The following PCDH15 variants were observed in gnomAD, a reference collection of about 807,000 sequenced individuals.
PCDH15 encodes protocadherin-15.
PCDH15 carries 129 observed loss-of-function variants against 178.5 expected under a neutral mutation model. The ratio of observed to expected loss-of-function variants is 0.72; its 90% CI spans 0.63 to 0.84. The LOEUF is 0.84. Among genes scored for constraint, PCDH15 ranks in the 40% least tolerant of loss-of-function variants. PCDH15 has a pLI of 0.00. For synonymous variants in PCDH15, 800 were observed against 732.0 expected (o/e 1.09, Z -1.50); for missense variants, 2,230 against 2,099.9 (o/e 1.06, Z -1.21).
At chr10:55,425,391 T>C (rs1280832252) in intron 2 of PCDH15, among the ~76,000 whole-genome samples, 1 of 152,030 alleles carries the variant, frequency 6.6e-6, no homozygotes, top group Non-Finnish European at 1.5e-5. Context: ...GCAATAATGA[T>C]GCTAGAAAAA....
intron 2 of PCDH15, among the ~76,000 whole-genome samples, chr10:55,107,574 C>A (rs998198901): frequency 1.4e-5 from 2 of 147,454 alleles, no homozygotes; most frequent in Admixed American, 6.9e-5. Flanking sequence ...TCACTGCAAC[C>A]TCTGCCTCCT....
intron 14 of PCDH15, among the ~76,000 whole-genome samples, chr10:54,145,513 T>C (rs766411935): frequency 2.0e-5 from 3 of 152,090 alleles, no homozygotes; most frequent in East Asian, 3.8e-4. Context: ...GAAATACATA[T>C]AGAAATCTAC....
At chr10:54,703,635 A>C (rs2095336353) in intron 1 of PCDH15, among the ~76,000 whole-genome samples, 1 of 152,112 alleles carries the variant, frequency 6.6e-6, no homozygotes, top group Non-Finnish European at 1.5e-5. Context: ...CACAATAGTC[A>C]CAAAAACGTA....
intron 8 of PCDH15, among the ~76,000 whole-genome samples, chr10:54,252,609 C>T (rs182509415): frequency 6.6e-4 from 101 of 152,238 alleles, no homozygotes; most frequent in African/African-American, 2.3e-3. Flanking sequence ...AGAGCCAGAA[C>T]GACCAAGGTC....
rs201885037 is a variant in PCDH15 at position 54,196,664 on chromosome 10, A to AC, written c.1099-776dup. On this transcript the variant is annotated intron_variant, in intron 10 of 37. Coordinates refer to ENST00000644397, the MANE Select transcript of PCDH15 (RefSeq NM_001384140.1). ...TCTCTGCTATGGTCTCTGCTGTTGTACCCCCCAAATTCGTAAGTTGAAATT... is the reference window on the plus strand; with the variant it reads ...TCTCTGCTATGGTCTCTGCTGTTGTACCCCCCCAAATTCGTAAGTTGAAATT... Among the ~76,000 whole-genome samples, 926 of 152,044 alleles carry AC rather than the reference A, an allele frequency of 6.1e-3. 9 individuals carry two copies. Among genetic ancestry groups the AC allele is most frequent in the African/African-American group, 0.021 (851 of 41,472 alleles).
At position 54,040,022 on chromosome 10, in the gene PCDH15, T is replaced by G. The variant is rs546290089; in HGVS notation, c.2221-16825A>C. ...CAACATATATATCCATTGCACTCAT[T>G]TATTAATGAGTTATTTTGTTATTTA... is the stretch of plus-strand genomic sequence containing the variant. On this transcript the variant is annotated intron_variant, in intron 18 of 37. Coordinates refer to ENST00000644397, the MANE Select transcript of PCDH15 (RefSeq NM_001384140.1). Among the ~76,000 whole-genome samples, 17 of 152,170 alleles carry G rather than the reference T, an allele frequency of 1.1e-4. No homozygotes were observed. In the South Asian group the frequency reaches 2.3e-3, roughly 20 times the overall value.
At chr10:54,436,077 AGGAAGGAGGGAAGGAG>A (rs1277960849) in intron 3 of PCDH15, among the ~76,000 whole-genome samples, 68 of 144,310 alleles carry the variant, frequency 4.7e-4, no homozygotes, top group South Asian at 8.6e-4. Flanking sequence ...GAAAGAAGGA[AGGAAGGAGGGAAGGAG>A]GGAAGGAGGG....
intron 1 of PCDH15, among the ~76,000 whole-genome samples, chr10:54,747,454 C>A (rs1591418567): frequency 6.6e-6 from 1 of 152,262 alleles, no homozygotes; most frequent in East Asian, 1.9e-4. Flanking sequence ...CCTTAAATGT[C>A]TCTATTGACA....
chr10:54,689,312 A>G (rs2095072138), intron 1 of PCDH15, among the ~76,000 whole-genome samples: 1 of 152,174 alleles, frequency 6.6e-6, no homozygotes, highest in African/African-American at 2.4e-5. Flanking sequence ...AACAATTAAC[A>G]CAAAGCACTC....
chr10:55,258,383 G>A (rs960250162), intron 1 of PCDH15, among the ~76,000 whole-genome samples: 6 of 152,128 alleles, frequency 3.9e-5, no homozygotes, highest in Non-Finnish European at 8.8e-5. Context: ...AGACACCAGA[G>A]GTGGCCAGCA....
intron 2 of PCDH15, among the ~76,000 whole-genome samples, chr10:55,058,634 GT>G (rs1222892128): frequency 2.0e-5 from 3 of 152,034 alleles, no homozygotes; most frequent in Non-Finnish European, 4.4e-5. Flanking sequence ...CATAATGTAT[GT>G]TTTTTTATCT....
Position 53,822,090 on chromosome 10 carries a change from G to C in PCDH15, c.4368-1860C>G, listed in dbSNP as rs1338012767. On this transcript the variant is annotated intron_variant, in intron 32 of 37. Coordinates refer to ENST00000644397, the MANE Select transcript of PCDH15 (RefSeq NM_001384140.1). ...TTTAACGTGTCTGAGGATGCCTTTTGGTTCTCTCTGAGGGTCTGTTTTACA... is the reference window on the plus strand; with the variant it reads ...TTTAACGTGTCTGAGGATGCCTTTTCGTTCTCTCTGAGGGTCTGTTTTACA... 6 of 1,613,790 alleles carry C rather than the reference G, an allele frequency of 3.7e-6. No homozygotes were observed. In the South Asian group the frequency reaches 5.5e-5, roughly 15 times the overall value.
At chr10:54,740,530 G>A (rs1566093084) in intron 1 of PCDH15, among the ~76,000 whole-genome samples, 1 of 151,746 alleles carries the variant, frequency 6.6e-6, no homozygotes, top group Non-Finnish European at 1.5e-5. Flanking sequence ...CTTGGTGTAT[G>A]TCCAAAAAAA....
chr10:54,305,028 T>G (rs1313579346), intron 8 of PCDH15, among the ~76,000 whole-genome samples: 2 of 152,108 alleles, frequency 1.3e-5, no homozygotes, highest in African/African-American at 4.8e-5. Context: ...ACACTTATAC[T>G]ATGGCTTCTT....
intron 18 of PCDH15, among the ~76,000 whole-genome samples, chr10:54,058,092 C>A (rs1341227225): frequency 6.6e-6 from 1 of 152,168 alleles, no homozygotes; most frequent in Non-Finnish European, 1.5e-5. Flanking sequence ...GCCTTTTGAG[C>A]CCTCCAAGTC....
chr10:55,400,727 C>T (rs1446913926), intron 2 of PCDH15, among the ~76,000 whole-genome samples: 3 of 152,006 alleles, frequency 2.0e-5, no homozygotes, highest in Non-Finnish European at 4.4e-5. Flanking sequence ...CATTTTTTAG[C>T]TTTTTGTTAG....
intron 2 of PCDH15, among the ~76,000 whole-genome samples, chr10:54,617,773 A>C (rs1455811412): frequency 1.7e-5 from 2 of 119,978 alleles, no homozygotes; most frequent in Admixed American, 1.7e-4. Flanking sequence ...AAAAAAAAAA[A>C]AAATTAGTCA....
At chr10:54,695,828 A>AT (rs2095214688) in intron 1 of PCDH15, among the ~76,000 whole-genome samples, 1 of 151,804 alleles carries the variant, frequency 6.6e-6, no homozygotes, top group African/African-American at 2.4e-5. Context: ...ATGAATATTA[A>AT]TTTTTTCCAT....
intron 2 of PCDH15, among the ~76,000 whole-genome samples, chr10:55,129,291 C>T (rs886682751): frequency 3.9e-5 from 6 of 152,038 alleles, no homozygotes; most frequent in Non-Finnish European, 8.8e-5. Flanking sequence ...CTAACAAACA[C>T]GAGAGGTGTA....
Sources: gnomAD v4.1 joint callset for allele counts (sites outside exome capture counted in the v4.1 genomes callset) on GRCh38, gnomAD v4.1.1 for gene constraint, MANE v1.5 for transcripts, NCBI Gene and HGNC (gene_info 2026-07-23, HGNC 2026-07-21) for gene names.